Variants in CMSS1 observed in about 807,000 individuals in gnomAD.
CMSS1 encodes cms1 ribosomal small subunit homolog.
In CMSS1, 33 loss-of-function variants were observed where a neutral mutation model predicts 43.5. That is an observed-to-expected ratio of 0.76 (90% CI 0.57 to 1.01). The LOEUF (loss-of-function observed/expected upper bound fraction) is 1.01, where lower values mean the gene tolerates loss of function less well. Among genes scored for constraint, CMSS1 ranks in the 50% least tolerant of loss-of-function variants. The pLI is 0.00. For missense variants in CMSS1, 313 were observed against 326.4 expected (o/e 0.96, Z 0.32); for synonymous variants, 115 against 117.2 (o/e 0.98, Z 0.12).
chr3:100,148,661 G>T (rs2066875395), intron 2 of CMSS1, among the ~76,000 whole-genome samples: 1 of 152,136 alleles, frequency 6.6e-6, no homozygotes, highest in South Asian at 2.1e-4. Flanking sequence ...GAGTTGTAAT[G>T]ATGATTAAAT....
chr3:99,995,853 C>T (rs1475809289), intron 1 of CMSS1, among the ~76,000 whole-genome samples: 1 of 152,212 alleles, frequency 6.6e-6, no homozygotes, highest in Non-Finnish European at 1.5e-5. Flanking sequence ...AGTCCCTGGG[C>T]TGCACACAGC....
chr3:100,102,254 C>G (rs1048775600), intron 1 of CMSS1, among the ~76,000 whole-genome samples: 4 of 152,148 alleles, frequency 2.6e-5, no homozygotes, highest in Non-Finnish European at 4.4e-5. Context: ...AAAAGTGTTC[C>G]TATTTCTCCA....
intron 1 of CMSS1, among the ~76,000 whole-genome samples, chr3:99,996,007 C>G (rs930422823): frequency 1.3e-5 from 2 of 152,194 alleles, no homozygotes; most frequent in Admixed American, 1.3e-4. Flanking sequence ...CTCCTTGTTA[C>G]TTATGTAAAT....
At chr3:99,879,497 A>G (rs981830018) in intron 1 of CMSS1, among the ~76,000 whole-genome samples, 2 of 152,218 alleles carry the variant, frequency 1.3e-5, no homozygotes, top group Admixed American at 1.3e-4. Context: ...TTTTGAAGTA[A>G]CTGCTCTTAT....
intron 1 of CMSS1, among the ~76,000 whole-genome samples, chr3:100,089,533 A>C (rs1255010539): frequency 6.6e-6 from 1 of 152,216 alleles, no homozygotes; most frequent in African/African-American, 2.4e-5. Flanking sequence ...TCAAAGCCTC[A>C]TGTCAAGCAA....
intron 1 of CMSS1, among the ~76,000 whole-genome samples, chr3:99,940,626 CCT>C (rs1401374522): frequency 6.6e-6 from 1 of 152,198 alleles, no homozygotes; most frequent in Admixed American, 6.5e-5. Flanking sequence ...TAGGCCAACC[CCT>C]GTTTCCTCCA....
intron 1 of CMSS1, among the ~76,000 whole-genome samples, chr3:99,856,839 G>A (rs1376166868): frequency 6.6e-6 from 1 of 152,070 alleles, no homozygotes; most frequent in Non-Finnish European, 1.5e-5. Flanking sequence ...GAGACACTGA[G>A]TATTAGTAAT....
chr3:99,927,341 TA>T (rs1707325350), intron 1 of CMSS1, among the ~76,000 whole-genome samples: 1 of 152,032 alleles, frequency 6.6e-6, no homozygotes, highest in Non-Finnish European at 1.5e-5. Flanking sequence ...AGTGCCTTGG[TA>T]AATCCAAAAT....
intron 1 of CMSS1, among the ~76,000 whole-genome samples, chr3:100,063,593 A>C (rs2065611382): frequency 6.6e-6 from 1 of 152,172 alleles, no homozygotes; most frequent in African/African-American, 2.4e-5. Flanking sequence ...ATACTTTCTC[A>C]TCCAGACTTT....
intron 1 of CMSS1, among the ~76,000 whole-genome samples, chr3:100,111,387 G>T (rs369008367): frequency 7.4e-4 from 112 of 152,270 alleles, no homozygotes; most frequent in African/African-American, 2.6e-3. Flanking sequence ...AACATTAGCT[G>T]GGCTAGTCCC....
intron 1 of CMSS1, among the ~76,000 whole-genome samples, chr3:100,107,619 A>G (rs2066416450): frequency 6.6e-6 from 1 of 152,196 alleles, no homozygotes; most frequent in African/African-American, 2.4e-5. Flanking sequence ...AAGAACAAAT[A>G]AAACCCTGTT....
intron 1 of CMSS1, among the ~76,000 whole-genome samples, chr3:100,048,398 G>C (rs1237882381): frequency 6.6e-6 from 1 of 152,146 alleles, no homozygotes; most frequent in South Asian, 2.1e-4. Context: ...CATTTGCTTG[G>C]GGTGAGTTGG....
chr3:100,164,036 T>A (rs2067046947), intron 4 of CMSS1, among the ~76,000 whole-genome samples: 1 of 152,214 alleles, frequency 6.6e-6, no homozygotes, highest in African/African-American at 2.4e-5. Context: ...CCCTGTCTGT[T>A]TTCCAAGGAG....
chr3:100,177,561 T>A (rs752858419), intron 9 of CMSS1, among the ~76,000 whole-genome samples: 1 of 152,260 alleles, frequency 6.6e-6, no homozygotes, highest in Non-Finnish European at 1.5e-5. Context: ...TAATCTTGTT[T>A]ACAGAAAGCA....
At chr3:99,965,519 C>G (rs1225547312) in intron 1 of CMSS1, among the ~76,000 whole-genome samples, 1 of 152,016 alleles carries the variant, frequency 6.6e-6, no homozygotes, top group Non-Finnish European at 1.5e-5. Flanking sequence ...CTTCCAGATA[C>G]TTTTCTTCAT....
At chr3:100,099,430 G>C (rs1357256081) in intron 1 of CMSS1, among the ~76,000 whole-genome samples, 2 of 152,116 alleles carry the variant, frequency 1.3e-5, no homozygotes, top group African/African-American at 4.8e-5. Context: ...AGTATACAAG[G>C]GTAAGGAAGG....
chr3:100,042,623 A>G (rs1156268164), intron 1 of CMSS1, among the ~76,000 whole-genome samples: 2 of 152,180 alleles, frequency 1.3e-5, no homozygotes, highest in African/African-American at 2.4e-5. Context: ...AACAATTCCA[A>G]CCATGCCAGA....
At chr3:99,925,827 T>C in intron 1 of CMSS1, 1 of 985,138 alleles carries the variant, frequency 1.0e-6, no homozygotes, top group Non-Finnish European at 1.2e-6. Flanking sequence ...AGCATCACAG[T>C]CAGATGGAGT....
intron 1 of CMSS1, among the ~76,000 whole-genome samples, chr3:99,923,709 G>A (rs1334914799): frequency 6.6e-6 from 1 of 152,052 alleles, no homozygotes; most frequent in Non-Finnish European, 1.5e-5. Flanking sequence ...CGTTCTTTAG[G>A]AAAGCATAAC....
Sources: allele counts gnomAD v4.1 joint callset (sites outside exome capture counted in the v4.1 genomes callset), GRCh38; gene constraint gnomAD v4.1.1; transcripts MANE v1.5; gene names NCBI Gene and HGNC (gene_info 2026-07-23, HGNC 2026-07-21).